COL13A1: variants seen among roughly 807,000 people sequenced by gnomAD.
COL13A1 encodes collagen type XIII alpha 1 chain.
COL13A1 carries 89 observed loss-of-function variants against 130.9 expected under a neutral mutation model. The ratio of observed to expected loss-of-function variants is 0.68; its 90% CI spans 0.57 to 0.81. The LOEUF is 0.81. COL13A1 is among the 30% of genes least tolerant of loss of function. COL13A1 has a pLI of 0.00. For synonymous variants in COL13A1, 402 were observed against 341.6 expected, an observed-to-expected ratio of 1.18 and a Z score of -1.95; for missense variants, 879 against 934.6, an observed-to-expected ratio of 0.94 and a Z score of 0.78.
intron 2 of COL13A1, among the ~76,000 whole-genome samples, chr10:69,847,284 G>A (rs1209916347): frequency 1.3e-5 from 2 of 152,170 alleles, no homozygotes; most frequent in Admixed American, 6.5e-5. Context: ...AGTCAGGGCT[G>A]GGGTGTGGAC....
intron 33 of COL13A1, 86 bp downstream of exon 33, chr10:69,936,868 T>C: frequency 1.3e-6 from 2 of 1,533,868 alleles, no homozygotes; most frequent in Non-Finnish European, 1.8e-6. Context: ...CCCTTTTTCC[T>C]AGAAGGCATT....
chr10:69,828,637 A>G (rs181036145), intron 2 of COL13A1, among the ~76,000 whole-genome samples: 7 of 152,270 alleles, frequency 4.6e-5, no homozygotes, highest in Admixed American at 4.6e-4. Context: ...GTTTCTACCT[A>G]GTGAACTCTT....
At chr10:69,824,303 T>C (rs1846941324) in intron 2 of COL13A1, among the ~76,000 whole-genome samples, 1 of 152,258 alleles carries the variant, frequency 6.6e-6, no homozygotes, top group South Asian at 2.1e-4. Flanking sequence ...CCTTATCAAA[T>C]GCCATGTCCT....
intron 2 of COL13A1, among the ~76,000 whole-genome samples, chr10:69,830,794 T>A (rs1039079412): frequency 1.3e-5 from 2 of 152,172 alleles, no homozygotes; most frequent in Non-Finnish European, 2.9e-5. Flanking sequence ...TTGATGGGCT[T>A]TCTTACATTC....
At chr10:69,952,847 G>T in intron 38 of COL13A1, 35 bp from the exon 39 acceptor site, 2 of 1,402,062 alleles carry the variant, frequency 1.4e-6, no homozygotes, top group East Asian at 2.5e-5. Flanking sequence ...TTAAAGTTTT[G>T]ATGTTTTTTT....
chr10:69,886,145 A>C (rs995116129), intron 7 of COL13A1, among the ~76,000 whole-genome samples: 1 of 152,198 alleles, frequency 6.6e-6, no homozygotes, highest in Admixed American at 6.5e-5. Flanking sequence ...ACAAACTTTC[A>C]TTGATCACAA....
chr10:69,956,954 G>A lies in COL13A1; in HGVS notation c.2146-50G>A, dbSNP rs777476980. 3 of 1,538,860 alleles carry A rather than the reference G, an allele frequency of 1.9e-6. No homozygotes were observed. The East Asian group carries it at 6.7e-5, about 35-fold the overall frequency. ...TTGTTACCCCTGTCCTGCCCACTTG[G>A]TGGACCATTGCAGGAAGTCTGAGCC... On this transcript the variant is annotated intron_variant, in intron 39 of 40. Transcript: ENST00000645393.
chr10:69,925,203 G>A (rs985180374), intron 25 of COL13A1, among the ~76,000 whole-genome samples, 196 bp downstream of exon 25: 1 of 152,344 alleles, frequency 6.6e-6, no homozygotes, highest in Admixed American at 6.5e-5. Context: ...CAGGCTGGAG[G>A]GGAAAGAGGA....
At chr10:69,937,595 A>G (rs1333420546) in intron 33 of COL13A1, 40 bp from the exon 34 acceptor site, 2 of 935,386 alleles carry the variant, frequency 2.1e-6, no homozygotes, top group Admixed American at 1.7e-5. Flanking sequence ...TGTCTGGGAC[A>G]TGTCCTTGTG....
Position 69,867,820 on chromosome 10 carries a change from C to G in COL13A1, c.372+15C>G. ...CAGGACCTCCTGTAAGTACTCAAGC[C>G]GAGGGTCTCGTGCATCTGAAAGGCC... On this transcript the variant is annotated intron_variant, in intron 3 of 40. Transcript: ENST00000645393. 1.4e-6 allele frequency: 1 copy of G among 718,392 alleles called. No individual in the cohort carries two copies. Among genetic ancestry groups the G allele is most frequent in the East Asian group, 2.7e-5 (1 of 37,280 alleles). The allele number at this position is 718,392 out of a possible 1,614,324, so 44.5% of individuals were successfully genotyped here.
At chr10:69,807,642 A>T (rs989900523) in intron 1 of COL13A1, among the ~76,000 whole-genome samples, 1 of 152,150 alleles carries the variant, frequency 6.6e-6, no homozygotes, top group African/African-American at 2.4e-5. Context: ...GGGGATGTAC[A>T]TGTGTGCTAG....
At chr10:69,895,384 G>T in intron 12 of COL13A1, among the ~76,000 whole-genome samples, 166 bp from the exon 13 acceptor site, 1 of 152,220 alleles carries the variant, frequency 6.6e-6, no homozygotes, top group Non-Finnish European at 1.5e-5. Flanking sequence ...CAGGGGCAAG[G>T]GAGGGACTTA....
At chr10:69,904,911 T>TTC (rs1406062925) in intron 15 of COL13A1, 22 bp from the exon 16 acceptor site, 1 of 1,481,790 alleles carries the variant, frequency 6.7e-7, no homozygotes, top group Non-Finnish European at 9.0e-7. Context: ...TTTTCTTTTT[T>TTC]TTTTTTTTTT....
chr10:69,918,233 TG>T, intron 18 of COL13A1, 51 bp from the exon 19 acceptor site: 1 of 1,575,762 alleles, frequency 6.3e-7, no homozygotes, highest in Non-Finnish European at 8.7e-7. Flanking sequence ...CGCCCCCTGC[TG>T]CCCCCTCGCT....
intron 2 of COL13A1, among the ~76,000 whole-genome samples, chr10:69,856,873 A>G (rs1856580442): frequency 6.6e-6 from 1 of 152,202 alleles, no homozygotes; most frequent in Non-Finnish European, 1.5e-5. Flanking sequence ...TCAAGTGTGG[A>G]GACTCCAGAT....
chr10:69,931,209 C>A (rs934063334), intron 30 of COL13A1: 13 of 456,042 alleles, frequency 2.9e-5, no homozygotes, highest in Non-Finnish European at 5.3e-5. Flanking sequence ...CCAGAGCAGA[C>A]CCAGAGTGGC....
intron 2 of COL13A1, among the ~76,000 whole-genome samples, chr10:69,865,665 C>T (rs1589157967): frequency 6.6e-6 from 1 of 152,190 alleles, no homozygotes; most frequent in African/African-American, 2.4e-5. Context: ...GTAGTGGCAG[C>T]CTGGCTGAGC....
chr10:69,947,282 C>G, intron 37 of COL13A1, 25 bp from the exon 38 acceptor site: 1 of 1,612,538 alleles, frequency 6.2e-7, no homozygotes, highest in Non-Finnish European at 8.5e-7. Context: ...CATTAACATG[C>G]CTTTCTTCCT....
chr10:69,837,807 G>A (rs930272922), intron 2 of COL13A1, among the ~76,000 whole-genome samples: 1 of 73,634 alleles, frequency 1.4e-5, no homozygotes, highest in Non-Finnish European at 3.6e-5. Context: ...AATAAACGCA[G>A]AGAAGAAGAC....
Sources: allele counts gnomAD v4.1 joint callset (sites outside exome capture counted in the v4.1 genomes callset), GRCh38; gene constraint gnomAD v4.1.1; transcripts MANE v1.5; gene names NCBI Gene and HGNC (gene_info 2026-07-23, HGNC 2026-07-21).